The following FCF1 variants were observed in gnomAD, a reference collection of about 807,000 sequenced individuals.
The protein encoded by FCF1 is FCF1 rRNA-processing protein.
A neutral mutation model predicts 32.5 loss-of-function variants in FCF1; 17 were observed. The observed-to-expected ratio is 0.52, with a 90% CI of 0.36 to 0.78. The LOEUF (loss-of-function observed/expected upper bound fraction) is 0.78, where lower values mean the gene tolerates loss of function less well. FCF1 is among the 30% of genes least tolerant of loss of function. The pLI is 0.00. For synonymous variants in FCF1, 84 were observed against 78.4 expected, an observed-to-expected ratio of 1.07 and a Z score of -0.38; for missense variants, 201 against 241.1, an observed-to-expected ratio of 0.83 and a Z score of 1.10.
At chr14:74,731,969 T>TA (rs1469548774) in intron 5 of FCF1, among the ~76,000 whole-genome samples, 1 of 152,172 alleles carries the variant, frequency 6.6e-6, no homozygotes, top group African/African-American at 2.4e-5. Flanking sequence ...TGGCAAACAA[T>TA]ACAAGCATAT....
intron 4 of FCF1, 140 bp from the exon 5 acceptor site, chr14:74,723,129 GTTC>G (rs1158131908): frequency 1.4e-5 from 9 of 621,092 alleles, no homozygotes; most frequent in African/African-American, 3.7e-5. Flanking sequence ...TTCTACTCTA[GTTC>G]TTCTTGTATA....
At chr14:74,732,842 A>G in intron 6 of FCF1, 24 bp downstream of exon 6, 1 of 1,418,030 alleles carries the variant, frequency 7.1e-7, no homozygotes, top group South Asian at 1.2e-5. Flanking sequence ...ATAACTGTTT[A>G]CTTTGTGCTT....
chr14:74,725,480 CAAAAAAAAAAAAAAAAA>C (rs35508938), intron 5 of FCF1, among the ~76,000 whole-genome samples: 1 of 39,968 alleles, frequency 2.5e-5, no homozygotes, highest in Non-Finnish European at 4.2e-5. Context: ...ACCCTGTCTC[CAAAAAAAAAAAAAAAAA>C]AAAAAAAAAA....
intron 3 of FCF1, among the ~76,000 whole-genome samples, chr14:74,715,252 A>G (rs554540175): frequency 6.6e-6 from 1 of 152,292 alleles, no homozygotes; most frequent in South Asian, 2.1e-4. Flanking sequence ...GAGAGACTGT[A>G]TCACCAAAAA....
rs2090693239 is a variant in FCF1, at chr14:74,735,334, C to T, written c.*404C>T. 6.5e-6 allele frequency: 1 copy of T among 154,304 alleles called. No homozygotes were observed. 9.6% of individuals were successfully genotyped at this position (154,304 alleles called of 1,614,324 possible). On this transcript the variant is annotated 3_prime_UTR_variant, in exon 8 of 8. Coordinates refer to ENST00000341162, the MANE Select transcript of FCF1 (RefSeq NM_015962.5). ...TAGAGAAACAGGGTATTTACAATGC[C>T]TGGGAAAGGAGGAGAGATAAGGCTC...
At chr14:74,716,309 C>T (rs1566714470) in intron 4 of FCF1, among the ~76,000 whole-genome samples, 1 of 152,124 alleles carries the variant, frequency 6.6e-6, no homozygotes, top group South Asian at 2.1e-4. Flanking sequence ...TCAGAAAACA[C>T]TTAGAATGCT....
intron 5 of FCF1, among the ~76,000 whole-genome samples, chr14:74,727,038 A>G (rs112886919): frequency 0.33 from 49,476 of 151,054 alleles, 9,852 homozygotes; most frequent in African/African-American, 0.56. Context: ...CCAAGTCTTT[A>G]CTATTGTGAA....
chr14:74,730,496 C>G (rs954775783), intron 5 of FCF1, among the ~76,000 whole-genome samples: 1 of 152,026 alleles, frequency 6.6e-6, no homozygotes, highest in African/African-American at 2.4e-5. Context: ...GGCAGATCAC[C>G]TGAGGCTAGG....
At chr14:74,718,569 G>C (rs950120736) in intron 4 of FCF1, among the ~76,000 whole-genome samples, 1 of 151,894 alleles carries the variant, frequency 6.6e-6, no homozygotes, top group Non-Finnish European at 1.5e-5. Flanking sequence ...TGCCTCCCAG[G>C]TTCAAGTGAT....
In FCF1 at chr14:74,735,544, G is replaced by C. The variant is rs2090695587; in HGVS notation, c.*614G>C. On this transcript the variant is annotated 3_prime_UTR_variant, in exon 8 of 8. Coordinates refer to ENST00000341162, the MANE Select transcript of FCF1 (RefSeq NM_015962.5). ...TGTTGACCTATTTGCCTTACTATGA[G>C]CTGAGGGTAGTTCAATATGCTCACT... is the stretch of plus-strand genomic sequence containing the variant. 6.6e-6 allele frequency: 1 copy of C among 151,744 alleles called. No homozygotes were observed. The highest frequency in any genetic ancestry group is 2.4e-5 in the African/African-American group (1 of 41,274). The allele number at this position is 151,744 out of a possible 1,614,324, so 9.4% of individuals were successfully genotyped here.
rs1219410020 is a variant in FCF1, at chr14:74,737,249, G to C, written c.*2319G>C. 6.6e-6 allele frequency: 1 copy of C among 152,236 alleles called. No individual in the cohort carries two copies. The highest frequency in any genetic ancestry group is 1.9e-4 in the East Asian group (1 of 5,180). The allele number at this position is 152,236 out of a possible 1,614,324, so 9.4% of individuals were successfully genotyped here. On this transcript the variant is annotated 3_prime_UTR_variant, in exon 8 of 8. Transcript: ENST00000341162. ...GCAAGCCTGTAGTCCCAGCTACTTG[G>C]GAGGCTGAGGCAGGAGAATCGCTTG...
At chr14:74,728,492 G>A (rs1300852778) in intron 5 of FCF1, among the ~76,000 whole-genome samples, 1 of 152,172 alleles carries the variant, frequency 6.6e-6, no homozygotes, top group Non-Finnish European at 1.5e-5. Context: ...ATCAGCTTAA[G>A]GAGATTTTGG....
intron 3 of FCF1, chr14:74,715,658 C>T (rs1196619604): frequency 2.4e-5 from 11 of 461,290 alleles, no homozygotes; most frequent in Admixed American, 6.6e-5. Flanking sequence ...CCTCCCTGTG[C>T]CCATGGTGAT....
At position 74,723,264 on chromosome 14, in the gene FCF1, C is replaced by T. The variant is rs187365036; in HGVS notation, c.293-8C>T. On this transcript the variant is annotated splice_region_variant and splice_polypyrimidine_tract_variant and intron_variant, in intron 4 of 7. Transcript: ENST00000341162. ...TCTGTTCTTAATGTGAATTTTTTTC[C>T]CTGGCAGGTATCCCATGTATAACCG... 2,476 of 1,609,120 alleles carry T rather than the reference C, an allele frequency of 1.5e-3. 14 individuals carry two copies. The highest frequency in any genetic ancestry group is 3.8e-3 in the South Asian group (347 of 90,942).
intron 5 of FCF1, among the ~76,000 whole-genome samples, chr14:74,729,906 T>A (rs968534678): frequency 3.9e-5 from 6 of 152,136 alleles, no homozygotes; most frequent in East Asian, 1.9e-4. Flanking sequence ...CATGTAGTTG[T>A]GCGGTTTTGA....
At chr14:74,725,168 A>G (rs980080053) in intron 5 of FCF1, among the ~76,000 whole-genome samples, 2 of 152,046 alleles carry the variant, frequency 1.3e-5, no homozygotes, top group Admixed American at 6.6e-5. Flanking sequence ...AAAAAATTGC[A>G]GACAGCCAGA....
At chr14:74,715,701 T>G in intron 3 of FCF1, 1 of 677,818 alleles carries the variant, frequency 1.5e-6, no homozygotes, top group Non-Finnish European at 2.4e-6. Flanking sequence ...CTAGATTGGA[T>G]AATTGCTTTT....
Position 74,734,871 on chromosome 14 carries a change from G to A in FCF1, c.549-11G>A, listed in dbSNP as rs990277602. The A allele has an allele frequency of 1.9e-6, 3 of 1,612,386 alleles. No homozygotes were observed. The highest frequency in any genetic ancestry group is 2.5e-6 in the Non-Finnish European group (3 of 1,178,858). ...TCTTTCTTACCGGTGTTGATTTTTT[G>A]TCCTGATCAGATACAACATTGAACG... On this transcript the variant is annotated splice_polypyrimidine_tract_variant and intron_variant, in intron 7 of 7. Coordinates refer to ENST00000341162, the MANE Select transcript of FCF1 (RefSeq NM_015962.5).
chr14:74,723,828 C>CAAAAAAAAAAAA (rs11396572), intron 5 of FCF1, among the ~76,000 whole-genome samples: 1 of 111,816 alleles, frequency 8.9e-6, no homozygotes, highest in African/African-American at 4.4e-5. Flanking sequence ...AACTCTGTCT[C>CAAAAAAAAAAAA]AAAAAAAAAA....
Sources: gnomAD v4.1 joint callset for allele counts (sites outside exome capture counted in the v4.1 genomes callset) on GRCh38, gnomAD v4.1.1 for gene constraint, MANE v1.5 for transcripts, NCBI Gene and HGNC (gene_info 2026-07-23, HGNC 2026-07-21) for gene names.